The following FAM3D variants were observed in gnomAD, a reference collection of about 807,000 sequenced individuals.
FAM3D encodes the protein FAM3 metabolism regulating signaling molecule D, also known as protein FAM3D.
FAM3D carries 26 observed loss-of-function variants against 29.8 expected under a neutral mutation model. The ratio of observed to expected loss-of-function variants is 0.87; its 90% CI spans 0.64 to 1.21. The LOEUF is 1.21. Among genes scored for constraint, FAM3D ranks in the 50% most tolerant of loss-of-function variants. The pLI, the probability that FAM3D is intolerant of heterozygous loss-of-function variation, is 0.00. For missense variants in FAM3D, 253 were observed against 290.9 expected, an observed-to-expected ratio of 0.87 and a Z score of 0.95; for synonymous variants, 115 against 102.3, an observed-to-expected ratio of 1.12 and a Z score of -0.75.
intron 3 of FAM3D, among the ~76,000 whole-genome samples, chr3:58,651,241 T>G (rs1025913017): frequency 2.0e-5 from 3 of 152,182 alleles, no homozygotes; most frequent in African/African-American, 7.2e-5. Flanking sequence ...TATATCAATA[T>G]AATAGTAAAA....
intron 3 of FAM3D, among the ~76,000 whole-genome samples, chr3:58,650,180 C>T (rs2066594466): frequency 6.6e-6 from 1 of 152,198 alleles, no homozygotes; most frequent in African/African-American, 2.4e-5. Context: ...AAGCAGAAAT[C>T]CTAGGGGAAG....
In FAM3D at chr3:58,653,624, C is replaced by T. The variant is rs752889941; in HGVS notation, c.121+50G>A. On this transcript the variant is annotated intron_variant, in intron 3 of 9. Transcript: ENST00000358781. ...GATGGAGGGAAGAATATGTCTTCGG[C>T]CCCCAGGCCTGGTCTGCAGTTCCTG... The T allele has an allele frequency of 6.5e-6, 10 of 1,534,410 alleles. No homozygotes were observed. In the African/African-American group the frequency reaches 9.5e-5, roughly 15 times the overall value.
chr3:58,638,652 A>G (rs1193079076), intron 7 of FAM3D, among the ~76,000 whole-genome samples: 3 of 152,232 alleles, frequency 2.0e-5, no homozygotes, highest in African/African-American at 7.2e-5. Flanking sequence ...GATTCTTCCA[A>G]GCATGGGCCC....
intron 6 of FAM3D, among the ~76,000 whole-genome samples, chr3:58,642,526 A>G (rs2066362990): frequency 6.6e-6 from 1 of 152,098 alleles, no homozygotes; most frequent in Admixed American, 6.5e-5. Context: ...GCCAGTTCTT[A>G]GAAAACTCTG....
chr3:58,639,647 C>A (rs577701117), intron 7 of FAM3D, among the ~76,000 whole-genome samples: 4 of 152,216 alleles, frequency 2.6e-5, no homozygotes, highest in African/African-American at 9.7e-5. Context: ...CAACAGCCAG[C>A]CCCTGGTCAC....
intron 1 of FAM3D, chr3:58,657,599 G>A (rs2066843772): frequency 6.6e-6 from 1 of 152,544 alleles, no homozygotes; most frequent in African/African-American, 2.4e-5. Context: ...GGGTGGAGAG[G>A]GGCAGGGGCC....
intron 4 of FAM3D, among the ~76,000 whole-genome samples, chr3:58,648,174 A>G (rs2066532222): frequency 6.6e-6 from 1 of 152,142 alleles, no homozygotes; most frequent in Non-Finnish European, 1.5e-5. Flanking sequence ...ATGCTGTGAC[A>G]CTCTGTGTCC....
Position 58,645,378 on chromosome 3 carries a change from A to C in FAM3D, c.263+131T>G, listed in dbSNP as rs1209622906. On this transcript the variant is annotated intron_variant, in intron 5 of 9. Transcript: ENST00000358781. ...TCAATTATTGTTATTTGTGCCTCAC[A>C]CACCCAGAGTGAAAGGGAAGCTGTG... 13 of 595,436 alleles carry C rather than the reference A, an allele frequency of 2.2e-5. No individual in the cohort carries two copies. The Admixed American group carries it at 2.2e-4, about 10-fold the overall frequency. 36.9% of individuals were successfully genotyped at this position (595,436 alleles called of 1,614,324 possible). A position where few individuals can be genotyped will look rare whatever the true frequency, so the allele number is the denominator to read the frequency against.
rs542066327 is a variant in FAM3D at position 58,634,151 on chromosome 3, G to T, written c.*128C>A. The T allele has an allele frequency of 6.3e-4, 482 of 769,646 alleles. No homozygotes were observed. The African/African-American group carries it at 7.7e-3, about 12-fold the overall frequency. 47.7% of individuals were successfully genotyped at this position (769,646 alleles called of 1,614,324 possible). A position where few individuals can be genotyped will look rare whatever the true frequency, so the allele number is the denominator to read the frequency against. On this transcript the variant is annotated 3_prime_UTR_variant, in exon 10 of 10. Transcript: ENST00000358781. This position sits in a 1 kb window ranked among gnomAD's most constrained non-coding sequence, Gnocchi z 4.6. ...CCGAGGAGGAGAGGCGCGACACAGCGTGCAAGGACCTGCAGCACCTTCCAC... is the reference window on the plus strand; with the variant it reads ...CCGAGGAGGAGAGGCGCGACACAGCTTGCAAGGACCTGCAGCACCTTCCAC...
intron 8 of FAM3D, among the ~76,000 whole-genome samples, chr3:58,636,824 A>G (rs2066184522): frequency 6.6e-6 from 1 of 152,036 alleles, no homozygotes; most frequent in Non-Finnish European, 1.5e-5. Flanking sequence ...ACGTCCTTAA[A>G]TACTTTCCGC....
chr3:58,645,671 G>T, intron 4 of FAM3D, 45 bp from the exon 5 acceptor site: 2 of 1,537,152 alleles, frequency 1.3e-6, no homozygotes, highest in Non-Finnish European at 1.8e-6. Context: ...AGCTCAGGAG[G>T]TACTTGGGGG....
chr3:58,639,432 GT>G (rs2066265895), intron 7 of FAM3D, among the ~76,000 whole-genome samples: 1 of 152,230 alleles, frequency 6.6e-6, no homozygotes, highest in African/African-American at 2.4e-5. Flanking sequence ...GAGACTGGAC[GT>G]TTTCCATAAA....
At chr3:58,638,982 C>G (rs1037193143) in intron 7 of FAM3D, among the ~76,000 whole-genome samples, 1 of 152,232 alleles carries the variant, frequency 6.6e-6, no homozygotes, top group African/African-American at 2.4e-5. Context: ...CTAATGATCA[C>G]CTCACTTTAA....
At chr3:58,662,705 C>G (rs1325500347) in intron 1 of FAM3D, among the ~76,000 whole-genome samples, 1 of 152,156 alleles carries the variant, frequency 6.6e-6, no homozygotes, top group African/African-American at 2.4e-5. Context: ...CCCCCTTCTT[C>G]TGCTGACCAC....
intron 3 of FAM3D, among the ~76,000 whole-genome samples, chr3:58,652,088 A>G (rs1326858147): frequency 1.3e-5 from 2 of 152,192 alleles, no homozygotes; most frequent in Non-Finnish European, 2.9e-5. Context: ...GGATGAATCC[A>G]GAGATATAAA....
At chr3:58,660,919 C>T (rs1401871645) in intron 1 of FAM3D, among the ~76,000 whole-genome samples, 1 of 152,128 alleles carries the variant, frequency 6.6e-6, no homozygotes, top group Non-Finnish European at 1.5e-5. Flanking sequence ...TAGAAAAGAT[C>T]CCAGAAATAA....
intron 1 of FAM3D, among the ~76,000 whole-genome samples, chr3:58,656,829 G>A (rs1180619897): frequency 6.6e-6 from 1 of 152,208 alleles, no homozygotes; most frequent in Non-Finnish European, 1.5e-5. Flanking sequence ...CTTCAACCTT[G>A]AGCAAGTCTA....
chr3:58,645,275 A>G (rs1346249955), intron 5 of FAM3D, among the ~76,000 whole-genome samples: 1 of 151,822 alleles, frequency 6.6e-6, no homozygotes, highest in Admixed American at 6.6e-5. Context: ...TAATATCCCC[A>G]CCTCCCAGGA....
At chr3:58,649,554 C>T in intron 3 of FAM3D, 1 of 590,996 alleles carries the variant, frequency 1.7e-6, no homozygotes, top group South Asian at 2.0e-5. Context: ...CACACGCACA[C>T]ACATATACAC....
Sources: allele counts gnomAD v4.1 joint callset (sites outside exome capture counted in the v4.1 genomes callset), GRCh38; gene constraint gnomAD v4.1.1; non-coding constraint Gnocchi (gnomAD v3.1); transcripts MANE v1.5; gene names NCBI Gene and HGNC (gene_info 2026-07-23, HGNC 2026-07-21).